EYA1: variants seen among roughly 807,000 people sequenced by gnomAD.
The protein encoded by EYA1 is protein phosphatase EYA1.
Under a neutral mutation model 82.0 loss-of-function variants are expected in EYA1, and 16 were observed. The observed-to-expected ratio is 0.20, with a 90% CI of 0.13 to 0.30. The LOEUF (loss-of-function observed/expected upper bound fraction) is 0.30. Among genes scored for constraint, EYA1 ranks in the 10% least tolerant of loss-of-function variants. The probability of loss-of-function intolerance (pLI) is 1.00; values close to 1 mark genes in which losing one functional copy is unlikely to be tolerated. For synonymous variants in EYA1, 261 were observed against 264.4 expected, an observed-to-expected ratio of 0.99 and a Z score of 0.12; for missense variants, 633 against 730.7, an observed-to-expected ratio of 0.87 and a Z score of 1.54.
intron 2 of EYA1, among the ~76,000 whole-genome samples, chr8:71,399,219 A>G (rs113368769): frequency 0.1 from 15,148 of 152,122 alleles, 971 homozygotes; most frequent in South Asian, 0.17. Flanking sequence ...TAGGAAAGGG[A>G]ATTCCCTGAC....
chr8:71,301,520 CTATT>C (rs770621591), intron 7 of EYA1, among the ~76,000 whole-genome samples: 3 of 152,194 alleles, frequency 2.0e-5, no homozygotes, highest in South Asian at 4.1e-4. Flanking sequence ...AATTCTATTC[CTATT>C]TACTTATCAA....
intron 7 of EYA1, 81 bp downstream of exon 7, chr8:71,317,471 T>C: frequency 6.9e-7 from 1 of 1,441,548 alleles, no homozygotes; most frequent in South Asian, 1.1e-5. Flanking sequence ...ATTTACTATT[T>C]ACATGGAACA....
chr8:71,215,469 G>A lies in EYA1; in HGVS notation c.1515C>T (p.Leu505=), dbSNP rs138260175. 96 of 1,613,320 alleles carry A rather than the reference G, an allele frequency of 6.0e-5. No individual in the cohort carries two copies. Among genetic ancestry groups the A allele is most frequent in the Non-Finnish European group, 8.0e-5 (94 of 1,179,258 alleles). The part of the protein sequence containing the change: ...CVNILVTTTQ[L]IPALAKVLLY... ...GCAGGACTTTCGCCAATGCTGGGAT[G>A]AGCTGAGTAGTTGTTACTAAAATAT... Residue 505 remains leucine (L), a synonymous_variant, in exon 16 of 18, where the codon CTC becomes CTT. Coordinates refer to ENST00000340726, the MANE Select transcript of EYA1 (RefSeq NM_000503.6).
chr8:71,211,425 A>C (rs761999831), intron 16 of EYA1, among the ~76,000 whole-genome samples, 169 bp from the exon 17 acceptor site: 3 of 152,230 alleles, frequency 2.0e-5, no homozygotes, highest in Non-Finnish European at 4.4e-5. Flanking sequence ...CCACAGCACA[A>C]TAAATTACAA....
chr8:71,310,432 GGT>G (rs1821210199), intron 7 of EYA1, among the ~76,000 whole-genome samples: 1 of 152,108 alleles, frequency 6.6e-6, no homozygotes, highest in Non-Finnish European at 1.5e-5. Context: ...TTCTCTGACA[GGT>G]CCCAGTGTGT....
intron 2 of EYA1, among the ~76,000 whole-genome samples, chr8:71,458,185 T>C (rs1191188721): frequency 1.3e-4 from 20 of 152,158 alleles, no homozygotes; most frequent in Admixed American, 1.3e-3. Context: ...TGGTTGTACA[T>C]GGAGTCACCG....
At chr8:71,332,325 C>T (rs1385045452) in intron 4 of EYA1, among the ~76,000 whole-genome samples, 1 of 152,152 alleles carries the variant, frequency 6.6e-6, no homozygotes, top group Non-Finnish European at 1.5e-5. Flanking sequence ...CCCTAATATA[C>T]TTGGCATCTG....
intron 2 of EYA1, among the ~76,000 whole-genome samples, chr8:71,448,229 CA>C (rs1443349491): frequency 5.3e-5 from 8 of 152,050 alleles, no homozygotes; most frequent in African/African-American, 1.9e-4. Context: ...ACAATCTTCT[CA>C]AACCTGCCTC....
At chr8:71,482,621 A>T (rs191267406) in intron 2 of EYA1, among the ~76,000 whole-genome samples, 93 of 152,366 alleles carry the variant, frequency 6.1e-4, no homozygotes, top group African/African-American at 2.2e-3. Context: ...ATAAAAGTCA[A>T]AAAATGAAAT....
intron 9 of EYA1, among the ~76,000 whole-genome samples, chr8:71,282,405 C>T (rs1817909882): frequency 1.3e-5 from 2 of 152,200 alleles, no homozygotes; most frequent in Admixed American, 1.3e-4. Flanking sequence ...CCTTTTATCC[C>T]ATTTTCTCTT....
intron 2 of EYA1, among the ~76,000 whole-genome samples, chr8:71,411,253 G>A (rs1300314512): frequency 1.4e-4 from 2 of 14,758 alleles, no homozygotes; most frequent in Non-Finnish European, 2.7e-4. Flanking sequence ...AGATTTAAAC[G>A]TTAGACCTAA....
chr8:71,294,438 G>T (rs1345463252), intron 9 of EYA1, among the ~76,000 whole-genome samples: 3 of 149,500 alleles, frequency 2.0e-5, no homozygotes, highest in African/African-American at 7.5e-5. Context: ...CAGCCTGGGC[G>T]ACAAGGAGAC....
chr8:71,489,401 C>T (rs1233972262), intron 2 of EYA1, among the ~76,000 whole-genome samples: 2 of 151,892 alleles, frequency 1.3e-5, no homozygotes, highest in Non-Finnish European at 1.5e-5. Flanking sequence ...TTCCTACAAA[C>T]GCTTTGTTTT....
At chr8:71,467,668 G>A (rs997930537) in intron 2 of EYA1, among the ~76,000 whole-genome samples, 1 of 152,138 alleles carries the variant, frequency 6.6e-6, no homozygotes, top group Non-Finnish European at 1.5e-5. Context: ...GACTGGGGTT[G>A]AAAGCATATC....
intron 2 of EYA1, among the ~76,000 whole-genome samples, chr8:71,449,963 T>G (rs1807218990): frequency 6.6e-6 from 1 of 152,206 alleles, no homozygotes. Context: ...GCTTCAAACT[T>G]TTCTTCTACA....
At chr8:71,489,654 T>C (rs1344622995) in intron 2 of EYA1, among the ~76,000 whole-genome samples, 4 of 152,356 alleles carry the variant, frequency 2.6e-5, no homozygotes, top group African/African-American at 9.6e-5. Flanking sequence ...TTAGAGCTAA[T>C]AGCAATGGTT....
At chr8:71,413,444 A>T (rs1296153211) in intron 2 of EYA1, among the ~76,000 whole-genome samples, 2 of 152,092 alleles carry the variant, frequency 1.3e-5, no homozygotes, top group African/African-American at 2.4e-5. Flanking sequence ...TAAATCAGAA[A>T]CTCTTATGGG....
intron 11 of EYA1, among the ~76,000 whole-genome samples, chr8:71,259,002 T>C (rs761074068): frequency 6.6e-6 from 1 of 152,186 alleles, no homozygotes; most frequent in Non-Finnish European, 1.5e-5. Flanking sequence ...TTCAGAGTGC[T>C]TGAGAAAAGG....
chr8:71,258,770 T>G (rs933586516), intron 11 of EYA1, among the ~76,000 whole-genome samples: 2 of 152,256 alleles, frequency 1.3e-5, no homozygotes, highest in African/African-American at 2.4e-5. Flanking sequence ...ACATGATATT[T>G]GATCTTAACT....
Sources: allele counts gnomAD v4.1 joint callset (sites outside exome capture counted in the v4.1 genomes callset), GRCh38; gene constraint gnomAD v4.1.1; transcripts MANE v1.5; gene names NCBI Gene and HGNC (gene_info 2026-07-23, HGNC 2026-07-21).